The following PMP22 variants were observed in gnomAD, a reference collection of about 807,000 sequenced individuals.
The protein encoded by PMP22 is Charcot-Marie-Tooth neuropathy 1A (greatly reduced nerve conduction velocity, hereditary motor sensory neuropathy Ia).
A neutral mutation model predicts 18.9 loss-of-function variants in PMP22; 2 were observed. That is an observed-to-expected ratio of 0.11 (90% CI 0.04 to 0.33). The LOEUF is 0.33. PMP22 is among the 10% of genes least tolerant of loss of function. The pLI is 1.00. For synonymous variants in PMP22, 95 were observed against 89.2 expected, an observed-to-expected ratio of 1.07 and a Z score of -0.37; for missense variants, 169 against 202.2, an observed-to-expected ratio of 0.84 and a Z score of 1.00.
intron 3 of PMP22, among the ~76,000 whole-genome samples, chr17:15,249,759 G>GAGAC (rs1908160281): frequency 6.6e-6 from 1 of 152,082 alleles, no homozygotes; most frequent in Non-Finnish European, 1.5e-5. Flanking sequence ...AGGAGAGACG[G>GAGAC]GGGTCACCCT....
intron 2 of PMP22, among the ~76,000 whole-genome samples, chr17:15,259,637 G>A (rs1227450644): frequency 6.6e-6 from 1 of 152,024 alleles, no homozygotes; most frequent in Non-Finnish European, 1.5e-5. Flanking sequence ...ATTTCTCACA[G>A]AGACTAGAAA....
rs1909222028 is a variant in PMP22, at chr17:15,260,506, G to A, written c.78+144C>T. On this transcript the variant is annotated intron_variant, in intron 2 of 4. Transcript: ENST00000312280. ...CGTTTTCTCAAAGCAACTGGAAGGG[G>A]GCAGATTGCCAGAAACTTCCCTGGG... is the stretch of plus-strand genomic sequence containing the variant. 6 of 735,368 alleles carry A rather than the reference G, an allele frequency of 8.2e-6. No homozygotes were observed. In the South Asian group the frequency reaches 8.9e-5, roughly 11 times the overall value. The allele number at this position is 735,368 out of a possible 1,614,324, so 45.6% of individuals were successfully genotyped here.
chr17:15,243,342 C>T (rs954351123), intron 3 of PMP22, among the ~76,000 whole-genome samples: 6 of 151,872 alleles, frequency 4.0e-5, no homozygotes, highest in African/African-American at 2.4e-5. Context: ...TATAAAGATG[C>T]CAATTTCATC....
intron 4 of PMP22, among the ~76,000 whole-genome samples, chr17:15,234,556 G>A (rs935958427): frequency 6.6e-6 from 1 of 152,118 alleles, no homozygotes; most frequent in Admixed American, 6.5e-5. Context: ...TGTGAGGCCT[G>A]TTCCTCTGAA....
chr17:15,244,264 T>C (rs946154689), intron 3 of PMP22, among the ~76,000 whole-genome samples: 75 of 151,974 alleles, frequency 4.9e-4, no homozygotes, highest in African/African-American at 1.8e-3. Context: ...TCAAAAAAAA[T>C]GGATAATATC....
At chr17:15,257,443 G>A (rs1381299218) in intron 3 of PMP22, among the ~76,000 whole-genome samples, 1 of 152,224 alleles carries the variant, frequency 6.6e-6, no homozygotes, top group Admixed American at 6.5e-5. Context: ...GCCAAGCCGC[G>A]TGGCCAGATG....
chr17:15,243,611 ATAAAT>A (rs951102273), intron 3 of PMP22, among the ~76,000 whole-genome samples: 3 of 150,622 alleles, frequency 2.0e-5, no homozygotes, highest in Non-Finnish European at 3.0e-5. Context: ...AGTATATGGT[ATAAAT>A]TAAATATACA....
At chr17:15,238,683 G>GC (rs1457710838) in intron 4 of PMP22, among the ~76,000 whole-genome samples, 1 of 152,010 alleles carries the variant, frequency 6.6e-6, no homozygotes, top group Non-Finnish European at 1.5e-5. Flanking sequence ...TAAGATGTAA[G>GC]ATGTAAGCAT....
intron 1 of PMP22, among the ~76,000 whole-genome samples, chr17:15,264,071 G>A (rs546856054): frequency 6.6e-6 from 1 of 151,888 alleles, no homozygotes; most frequent in Admixed American, 6.5e-5. Context: ...TATGTACAAA[G>A]CAGTTAACAT....
At chr17:15,260,492 A>G (rs1909220720) in intron 2 of PMP22, 158 bp downstream of exon 2, 2 of 709,580 alleles carry the variant, frequency 2.8e-6, no homozygotes, top group Non-Finnish European at 5.1e-6. Flanking sequence ...GTTTTCTCAA[A>G]GCAACTGGAA....
At chr17:15,232,931 C>T (rs777156913) in intron 4 of PMP22, among the ~76,000 whole-genome samples, 8 of 152,128 alleles carry the variant, frequency 5.3e-5, no homozygotes, top group African/African-American at 9.7e-5. Flanking sequence ...TAAGCTTAAC[C>T]GTGATAAGCA....
chr17:15,260,902 C>A (rs1909282320), intron 1 of PMP22, 141 bp from the exon 2 acceptor site: 1 of 460,042 alleles, frequency 2.2e-6, no homozygotes, highest in Non-Finnish European at 3.7e-6. Context: ...GGGTCAGGAG[C>A]CTTCGCGCCG....
At chr17:15,264,918 G>A (rs1363207949) in intron 1 of PMP22, among the ~76,000 whole-genome samples, 1 of 152,158 alleles carries the variant, frequency 6.6e-6, no homozygotes, top group South Asian at 2.1e-4. Flanking sequence ...CAATCTGGAT[G>A]CATTAGGGTT....
intron 4 of PMP22, among the ~76,000 whole-genome samples, chr17:15,231,390 T>G (rs1240846337): frequency 6.6e-6 from 1 of 152,200 alleles, no homozygotes; most frequent in Non-Finnish European, 1.5e-5. Flanking sequence ...CCAGCAGGCA[T>G]TCAGGCTGCA....
chr17:15,233,766 C>A (rs1451269492), intron 4 of PMP22, among the ~76,000 whole-genome samples: 1 of 152,140 alleles, frequency 6.6e-6, no homozygotes, highest in African/African-American at 2.4e-5. Context: ...CAATATAGTT[C>A]GATGGAATTT....
At chr17:15,257,808 C>A (rs1488528186) in intron 3 of PMP22, among the ~76,000 whole-genome samples, 1 of 152,236 alleles carries the variant, frequency 6.6e-6, no homozygotes, top group Non-Finnish European at 1.5e-5. Flanking sequence ...CTGCTCCCTC[C>A]CCAACCCAGA....
At chr17:15,254,316 T>C (rs1269987381) in intron 3 of PMP22, among the ~76,000 whole-genome samples, 1 of 152,142 alleles carries the variant, frequency 6.6e-6, no homozygotes, top group East Asian at 1.9e-4. Flanking sequence ...GCAAACTAGT[T>C]AGGAGGCTGC....
chr17:15,264,241 GATAGATAGATAGAT>G (rs1315422164), intron 1 of PMP22, among the ~76,000 whole-genome samples: 1 of 95,822 alleles, frequency 1.0e-5, no homozygotes, highest in African/African-American at 5.4e-5. Flanking sequence ...TAGATAGATA[GATAGATAGATAGAT>G]ATAGATAGAT....
At chr17:15,254,472 G>A (rs1276250172) in intron 3 of PMP22, among the ~76,000 whole-genome samples, 1 of 152,168 alleles carries the variant, frequency 6.6e-6, no homozygotes. Flanking sequence ...TAGATGTTTG[G>A]CTTGCTGGCT....
Sources: allele counts gnomAD v4.1 joint callset (sites outside exome capture counted in the v4.1 genomes callset), GRCh38; gene constraint gnomAD v4.1.1; transcripts MANE v1.5; gene names NCBI Gene and HGNC (gene_info 2026-07-23, HGNC 2026-07-21).